SLC24A2: variants seen among roughly 807,000 people sequenced by gnomAD.
The protein encoded by SLC24A2 is solute carrier family 24 member 2.
Under a neutral mutation model 62.0 loss-of-function variants are expected in SLC24A2, and 36 were observed. The observed-to-expected ratio is 0.58, with a 90% confidence interval of 0.44 to 0.77. The LOEUF (loss-of-function observed/expected upper bound fraction) is 0.77, where lower values mean the gene tolerates loss of function less well. Among genes scored for constraint, SLC24A2 ranks in the 30% least tolerant of loss-of-function variants. SLC24A2 has a pLI of 0.00. For synonymous variants in SLC24A2, 358 were observed against 294.0 expected, an observed-to-expected ratio of 1.22 and a Z score of -2.23; for missense variants, 846 against 817.9, an observed-to-expected ratio of 1.03 and a Z score of -0.42.
chr9:19,897,211 A>G, the SLC24A2 span, among the ~76,000 whole-genome samples: 2 of 152,160 alleles, frequency 1.3e-5, no homozygotes, highest in East Asian at 3.9e-4. Flanking sequence ...ACTCTTATCT[A>G]CCTTTTTGCT....
the SLC24A2 span, among the ~76,000 whole-genome samples, chr9:20,140,094 A>C: frequency 6.6e-6 from 1 of 152,140 alleles, no homozygotes; most frequent in East Asian, 1.9e-4. Flanking sequence ...ACCATAAATC[A>C]CTTGCATTGA....
At position 19,786,279 on chromosome 9, in the gene SLC24A2, T is replaced by C. The variant is rs143975397; in HGVS notation, c.588A>G (p.Val196=). 28 of 1,613,990 alleles carry C rather than the reference T, an allele frequency of 1.7e-5. No homozygotes were observed. Among genetic ancestry groups the C allele is most frequent in the Non-Finnish European group, 2.3e-5 (27 of 1,180,028 alleles). The part of the protein sequence containing the change: ...APELFTSLIG[V]FIAHSNVGIG... The stretch of plus-strand genomic sequence containing the variant: ...TGCCAACGTTGCTGTGAGCGATAAA[T>C]ACCCCTATGAGAGATGTGAAAAGTT... The change falls in exon 2 of 11, where the codon GTA becomes GTG. Residue 196 remains valine, a synonymous_variant. Coordinates refer to ENST00000341998, the MANE Select transcript of SLC24A2 (RefSeq NM_020344.4). The surrounding 1 kb of genome is among the most constrained non-coding windows in gnomAD (Gnocchi z 5.0).
At chr9:19,835,541 A>G in the SLC24A2 span, among the ~76,000 whole-genome samples, 1 of 152,198 alleles carries the variant, frequency 6.6e-6, no homozygotes, top group Admixed American at 6.5e-5. Flanking sequence ...CTAAATATAT[A>G]TGCATCCAAT....
the SLC24A2 span, among the ~76,000 whole-genome samples, chr9:19,885,924 A>G: frequency 0.41 from 62,021 of 151,728 alleles, 13,228 homozygotes; most frequent in East Asian, 0.84. Flanking sequence ...TAAAGGACAC[A>G]ATCTCATTCT....
At chr9:20,136,973 A>T in the SLC24A2 span, among the ~76,000 whole-genome samples, 1 of 152,176 alleles carries the variant, frequency 6.6e-6, no homozygotes, top group Non-Finnish European at 1.5e-5. Flanking sequence ...GGGTGTGTTT[A>T]CGCTAATTAA....
At chr9:19,683,341 A>C (rs551887966) in intron 2 of SLC24A2, among the ~76,000 whole-genome samples, 30 of 152,258 alleles carry the variant, frequency 2.0e-4, no homozygotes, top group African/African-American at 7.0e-4. Flanking sequence ...GAAAGGAACT[A>C]TTGCCTCAGC....
At chr9:20,241,346 G>C in the SLC24A2 span, among the ~76,000 whole-genome samples, 5 of 152,166 alleles carry the variant, frequency 3.3e-5, no homozygotes, top group Non-Finnish European at 7.3e-5. Flanking sequence ...AATTCAGCAG[G>C]TATTTGTTGA....
chr9:19,788,121 G>A lies in SLC24A2; in HGVS notation c.-154+764C>T, dbSNP rs192444971. Among the ~76,000 whole-genome samples, 16 of 152,258 alleles carry A rather than the reference G, an allele frequency of 1.1e-4. No individual in the cohort carries two copies. The East Asian group carries it at 2.7e-3, about 26-fold the overall frequency. ...TGTAAAATAAGCTAATTAAACACACGCCACTTAAATACTGAGATTAGCTGG... is the reference window on the plus strand; with the variant it reads ...TGTAAAATAAGCTAATTAAACACACACCACTTAAATACTGAGATTAGCTGG... On this transcript the variant is annotated intron_variant, in intron 1 of 10. Transcript: ENST00000341998.
chr9:20,074,339 G>C, the SLC24A2 span, among the ~76,000 whole-genome samples: 1 of 151,752 alleles, frequency 6.6e-6, no homozygotes, highest in East Asian at 1.9e-4. Flanking sequence ...CTTTGTGTGT[G>C]TGCCTAAGAA....
intron 2 of SLC24A2, among the ~76,000 whole-genome samples, chr9:19,728,469 T>C (rs997939053): frequency 2.6e-5 from 4 of 152,044 alleles, no homozygotes; most frequent in Non-Finnish European, 4.4e-5. Flanking sequence ...AGGTCGGTAA[T>C]GCAGTTTCAG....
At chr9:19,921,515 G>A in the SLC24A2 span, among the ~76,000 whole-genome samples, 24 of 58,718 alleles carry the variant, frequency 4.1e-4, no homozygotes, top group South Asian at 2.2e-3. Context: ...GCGAGACTCC[G>A]TGTAAAAAAA....
the SLC24A2 span, among the ~76,000 whole-genome samples, chr9:19,975,543 G>C: frequency 5.9e-5 from 9 of 152,182 alleles, no homozygotes; most frequent in Non-Finnish European, 1.0e-4. Flanking sequence ...TTCCTCATCT[G>C]CAAAAGGAAG....
chr9:19,550,603 T>C (rs989234133), intron 7 of SLC24A2, among the ~76,000 whole-genome samples: 1 of 152,176 alleles, frequency 6.6e-6, no homozygotes, highest in Non-Finnish European at 1.5e-5. Context: ...GGAAAAGACT[T>C]GATGACCACC....
At chr9:19,944,572 C>A in the SLC24A2 span, among the ~76,000 whole-genome samples, 1 of 152,004 alleles carries the variant, frequency 6.6e-6, no homozygotes, top group Non-Finnish European at 1.5e-5. Flanking sequence ...ATAGGATCCT[C>A]TTCTCATTGT....
chr9:19,867,644 T>C, the SLC24A2 span, among the ~76,000 whole-genome samples: 3 of 152,172 alleles, frequency 2.0e-5, no homozygotes, highest in Non-Finnish European at 4.4e-5. Context: ...GCGCAGTGGC[T>C]CACGCCTGTA....
the SLC24A2 span, among the ~76,000 whole-genome samples, chr9:20,149,730 C>G: frequency 6.6e-6 from 1 of 152,010 alleles, no homozygotes; most frequent in African/African-American, 2.4e-5. Context: ...AAAAAACACT[C>G]TTAGCTAGCA....
chr9:19,511,758 T>G lies in SLC24A2; in HGVS notation c.*4395A>C, dbSNP rs1380784354. The G allele has an allele frequency of 6.6e-6, 1 of 152,202 alleles. No individual in the cohort carries two copies. Among genetic ancestry groups the G allele is most frequent in the Non-Finnish European group, 1.5e-5 (1 of 68,026 alleles). 9.4% of individuals were successfully genotyped at this position (152,202 alleles called of 1,614,324 possible). A position where few individuals can be genotyped will look rare whatever the true frequency, so the allele number is the denominator to read the frequency against. ...CTCCAGAAATCACCCTGAGAACAGC[T>G]TCACTTTGTTTCTTCTGGAACACAG... On this transcript the variant is annotated 3_prime_UTR_variant, in exon 11 of 11. Transcript: ENST00000341998.
the SLC24A2 span, among the ~76,000 whole-genome samples, chr9:20,180,316 T>A: frequency 6.6e-6 from 1 of 152,316 alleles, no homozygotes; most frequent in Admixed American, 6.5e-5. Context: ...AATCACCATA[T>A]AGATATTGGT....
At chr9:19,962,131 A>G in the SLC24A2 span, among the ~76,000 whole-genome samples, 3 of 152,146 alleles carry the variant, frequency 2.0e-5, no homozygotes, top group Non-Finnish European at 2.9e-5. Flanking sequence ...CATTCCATGA[A>G]CTTTTATGGA....
Sources: gnomAD v4.1 joint callset for allele counts (sites outside exome capture counted in the v4.1 genomes callset) on GRCh38, gnomAD v4.1.1 for gene constraint, Gnocchi (gnomAD v3.1) non-coding constraint, MANE v1.5 for transcripts, NCBI Gene and HGNC (gene_info 2026-07-23, HGNC 2026-07-21) for gene names.